FOXK2: variants seen among roughly 807,000 people sequenced by gnomAD.
The protein encoded by FOXK2 is forkhead box protein K2.
Under a neutral mutation model 53.3 loss-of-function variants are expected in FOXK2, and 24 were observed. That is an observed-to-expected ratio of 0.45 (90% CI 0.33 to 0.63). The LOEUF (loss-of-function observed/expected upper bound fraction) is 0.63, where lower values mean the gene tolerates loss of function less well. Ranked by LOEUF, FOXK2 falls within the 30% of genes least tolerant of loss-of-function variation. The pLI is 0.03. For missense variants in FOXK2, 952 were observed against 910.5 expected, an observed-to-expected ratio of 1.05 and a Z score of -0.59; for synonymous variants, 505 against 407.1, an observed-to-expected ratio of 1.24 and a Z score of -2.89.
At chr17:82,587,331 C>A in intron 8 of FOXK2, 59 bp downstream of exon 8, 1 of 1,334,010 alleles carries the variant, frequency 7.5e-7, no homozygotes, top group African/African-American at 1.4e-5. Context: ...AGAGCCCCTT[C>A]TCACTCGTGG....
In FOXK2 at chr17:82,577,569, A is replaced by G. The variant is rs536358830; in HGVS notation, c.910-5172A>G. 4.6e-5 allele frequency among the ~76,000 whole-genome samples: 7 copies of G among 151,774 alleles called. No individual in the cohort carries two copies. The South Asian group carries it at 1.3e-3, about 27-fold the overall frequency. On this transcript the variant is annotated intron_variant, in intron 4 of 8. Coordinates refer to ENST00000335255, the MANE Select transcript of FOXK2 (RefSeq NM_004514.4). ...TAGGGCCCCGCCGGGCCCTCTGTGC[A>G]TACCGCCGACACTGCGGGCCAAGGT...
intron 4 of FOXK2, among the ~76,000 whole-genome samples, chr17:82,581,529 G>A (rs993768167): frequency 3.3e-5 from 5 of 149,480 alleles, no homozygotes; most frequent in African/African-American, 1.2e-4. Context: ...AGGCTGGAGT[G>A]CAGTGGCGCA....
At chr17:82,594,988 C>T (rs1262856546) in intron 8 of FOXK2, among the ~76,000 whole-genome samples, 1 of 151,936 alleles carries the variant, frequency 6.6e-6, no homozygotes, top group Non-Finnish European at 1.5e-5. Flanking sequence ...TGCAGTGAAC[C>T]GTGATCGCCC....
intron 3 of FOXK2, among the ~76,000 whole-genome samples, chr17:82,571,494 G>A (rs997771607): frequency 4.6e-5 from 7 of 152,096 alleles, no homozygotes; most frequent in Non-Finnish European, 7.4e-5. Context: ...CCAGCTACTC[G>A]GGAGGCTGAG....
At chr17:82,530,510 G>GTTT (rs753680491) in intron 1 of FOXK2, among the ~76,000 whole-genome samples, 5 of 114,618 alleles carry the variant, frequency 4.4e-5, no homozygotes, top group African/African-American at 9.5e-5. Context: ...CTACTGATGT[G>GTTT]TTTTTTTTTT....
intron 3 of FOXK2, among the ~76,000 whole-genome samples, chr17:82,570,093 G>A (rs1176404207): frequency 6.6e-6 from 1 of 151,860 alleles, no homozygotes; most frequent in East Asian, 1.9e-4. Context: ...GTGTTGGCAG[G>A]CGCCTGTAGT....
At chr17:82,570,284 G>A (rs949917146) in intron 3 of FOXK2, among the ~76,000 whole-genome samples, 16 of 152,146 alleles carry the variant, frequency 1.1e-4, no homozygotes, top group African/African-American at 3.4e-4. Flanking sequence ...CTTGAGCTCA[G>A]GAGTTTGAGA....
At chr17:82,601,090 G>A in intron 8 of FOXK2, 3 of 524,342 alleles carry the variant, frequency 5.7e-6, no homozygotes. Context: ...CAAGGGCCCA[G>A]CCCAGGCTCC....
At chr17:82,568,473 A>G (rs574904514) in intron 3 of FOXK2, among the ~76,000 whole-genome samples, 5 of 152,222 alleles carry the variant, frequency 3.3e-5, no homozygotes, top group African/African-American at 9.6e-5. Context: ...CGGAAGATGG[A>G]GGAGTACCTT....
chr17:82,571,170 C>G (rs2044913387), intron 3 of FOXK2, among the ~76,000 whole-genome samples: 1 of 152,180 alleles, frequency 6.6e-6, no homozygotes. Flanking sequence ...TTGCCTTGGA[C>G]TCCACTGAGG....
chr17:82,587,579 G>A (rs562703280), intron 8 of FOXK2: 28 of 421,344 alleles, frequency 6.6e-5, no homozygotes, highest in Middle Eastern at 7.4e-4. Context: ...GGCGGGAGCC[G>A]CCGCGTGTCT....
intron 1 of FOXK2, among the ~76,000 whole-genome samples, chr17:82,522,041 CTTTT>C (rs924582731): frequency 2.5e-4 from 27 of 107,268 alleles, no homozygotes; most frequent in African/African-American, 7.8e-4. Flanking sequence ...TTTAATCTGA[CTTTT>C]TTTTTTTTTT....
At chr17:82,551,912 C>T (rs187883996) in intron 1 of FOXK2, among the ~76,000 whole-genome samples, 212 of 152,340 alleles carry the variant, frequency 1.4e-3, no homozygotes, top group African/African-American at 4.6e-3. Context: ...GGGCCTGGCA[C>T]GGTGCTCCAC....
intron 7 of FOXK2, among the ~76,000 whole-genome samples, chr17:82,586,819 T>G (rs1038470911): frequency 6.6e-6 from 1 of 152,098 alleles, no homozygotes; most frequent in Non-Finnish European, 1.5e-5. Flanking sequence ...GAGAATCACT[T>G]GAACCCGGAA....
chr17:82,541,540 G>A (rs2044574358), intron 1 of FOXK2, among the ~76,000 whole-genome samples: 1 of 152,152 alleles, frequency 6.6e-6, no homozygotes, highest in South Asian at 2.1e-4. Flanking sequence ...TGGGATTGCA[G>A]ATGTGAGTCA....
chr17:82,542,408 G>T lies in FOXK2; in HGVS notation c.420-20946G>T, dbSNP rs185585469. On this transcript the variant is annotated intron_variant, in intron 1 of 8. Coordinates refer to ENST00000335255, the MANE Select transcript of FOXK2 (RefSeq NM_004514.4). ...TCGAACTCCTGAACTCAGGTGATCC[G>T]CCCGTCTCTGGCCTCCCAAAGTGCT... 5.4e-3 allele frequency among the ~76,000 whole-genome samples: 821 copies of T among 152,076 alleles called. 3 individuals are homozygous for T. The highest frequency in any genetic ancestry group is 9.1e-3 in the Admixed American group (139 of 15,258).
intron 1 of FOXK2, among the ~76,000 whole-genome samples, 156 bp downstream of exon 1, chr17:82,520,463 C>T (rs1339669190): frequency 1.3e-5 from 2 of 152,176 alleles, no homozygotes; most frequent in Non-Finnish European, 1.5e-5. Flanking sequence ...CGGCTGGATC[C>T]CAACCCTCGA....
chr17:82,559,369 G>C (rs375324599), intron 1 of FOXK2: 1 of 456,330 alleles, frequency 2.2e-6, no homozygotes, highest in South Asian at 1.5e-5. Flanking sequence ...AGCCAGCTTC[G>C]TGTGCAGAGC....
At chr17:82,533,176 A>G (rs908699320) in intron 1 of FOXK2, among the ~76,000 whole-genome samples, 2 of 152,200 alleles carry the variant, frequency 1.3e-5, no homozygotes, top group Non-Finnish European at 2.9e-5. Context: ...TAGAAGCAGT[A>G]TACTCTAAAT....
Sources: gnomAD v4.1 joint callset for allele counts (sites outside exome capture counted in the v4.1 genomes callset) on GRCh38, gnomAD v4.1.1 for gene constraint, MANE v1.5 for transcripts, NCBI Gene and HGNC (gene_info 2026-07-23, HGNC 2026-07-21) for gene names.